Variants in DNAJB1 observed in about 807,000 individuals in gnomAD.
DNAJB1 encodes the protein dnaJ homolog subfamily B member 1.
A neutral mutation model predicts 24.0 loss-of-function variants in DNAJB1; 14 were observed. That is an observed-to-expected ratio of 0.58 (90% CI 0.39 to 0.91). DNAJB1 has a LOEUF of 0.91. DNAJB1 is among the 40% of genes least tolerant of loss of function. DNAJB1 has a pLI of 0.00. For synonymous variants in DNAJB1, 262 were observed against 174.4 expected (o/e 1.50, Z -3.96); for missense variants, 517 against 458.1 (o/e 1.13, Z -1.17).
At chr19:14,545,127 C>G (rs1368369062) in intron 1 of DNAJB1, 4 of 456,618 alleles carry the variant, frequency 8.8e-6, no homozygotes, top group African/African-American at 8.0e-5. Flanking sequence ...AGAGATGATT[C>G]TTCAAGAAAC....
chr19:14,523,705 C>T (rs557471146), intron 2 of DNAJB1, among the ~76,000 whole-genome samples: 1 of 151,576 alleles, frequency 6.6e-6, no homozygotes, highest in South Asian at 2.1e-4. Context: ...GCAACCTCCA[C>T]CTCCCAGGTT....
chr19:14,543,453 T>C (rs1164506879), intron 1 of DNAJB1, among the ~76,000 whole-genome samples: 1 of 70,532 alleles, frequency 1.4e-5, no homozygotes, highest in Non-Finnish European at 2.7e-5. Flanking sequence ...TTTTTTTTTT[T>C]TTTGAGACGG....
rs1178403408 is a variant in DNAJB1 at position 14,544,604 on chromosome 19, C to T, written c.-214+5604G>A. Among the ~76,000 whole-genome samples the T allele has an allele frequency of 9.4e-5, 14 of 149,420 alleles. No homozygotes were observed. The Admixed American group carries it at 9.4e-4, about 10-fold the overall frequency. On this transcript the variant is annotated intron_variant, in intron 1 of 3. Coordinates refer to the DNAJB1 transcript ENST00000676982. ...GTTCTGCTCTTCCATGAACCGGGCT[C>T]ATCTTTTGCTGCTGCGGTGTTTGGC...
intron 1 of DNAJB1, among the ~76,000 whole-genome samples, chr19:14,558,674 C>T (rs2073816374): frequency 6.6e-6 from 1 of 152,216 alleles, no homozygotes. Flanking sequence ...GGTCTCACCC[C>T]TTGCCCGTGG....
upstream of DNAJB1, chr19:14,518,452 C>T: frequency 1.0e-6 from 1 of 977,864 alleles, no homozygotes. Context: ...TTCCAGAGCC[C>T]GCCAGCCCCC....
At chr19:14,529,594 GT>G (rs745798123), upstream of DNAJB1, 1 of 1,578,558 alleles carries the variant, frequency 6.3e-7, no homozygotes, top group Non-Finnish European at 8.7e-7. Flanking sequence ...GCAGAGCCGC[GT>G]TTAGTCTATC....
chr19:14,549,761 G>A (rs902120642), intron 1 of DNAJB1, among the ~76,000 whole-genome samples: 1 of 151,936 alleles, frequency 6.6e-6, no homozygotes, highest in Non-Finnish European at 1.5e-5. Context: ...TGACCAACAT[G>A]GTGAAACCCC....
At chr19:14,538,527 CT>C (rs1476269303) in intron 1 of DNAJB1, among the ~76,000 whole-genome samples, 2 of 98,056 alleles carry the variant, frequency 2.0e-5, no homozygotes, top group Non-Finnish European at 2.0e-5. Flanking sequence ...CCTCAAAACT[CT>C]TTTTTTTCTT....
At position 14,516,861 on chromosome 19, in the gene DNAJB1, C is replaced by A. The variant is rs1197923450; in HGVS notation, c.397G>T (p.Gly133Cys). 1 of 1,614,084 alleles carries A rather than the reference C, an allele frequency of 6.2e-7. No individual in the cohort carries two copies. The highest frequency in any genetic ancestry group is 1.3e-5 in the African/African-American group (1 of 75,006). The stretch of plus-strand genomic sequence containing the variant: ...AAGCCACCCATGCCCATAGGGAAGC[C>A]AGAGAATGGGTCATCAATGTCCATG... Reference protein sequence around the residue: ...EGMDIDDPFSGFPMGMGGFTN... With the variant: ...EGMDIDDPFSCFPMGMGGFTN... Residue 133 changes from glycine to cysteine, a missense_variant, in exon 2 of 3, where the codon GGC becomes TGC. Coordinates refer to ENST00000254322, the MANE Select transcript of DNAJB1 (RefSeq NM_006145.3).
upstream of DNAJB1, among the ~76,000 whole-genome samples, chr19:14,520,633 C>T (rs966056024): frequency 9.9e-5 from 15 of 152,064 alleles, no homozygotes; most frequent in African/African-American, 3.1e-4. Context: ...CCCTAGACAT[C>T]GAGAACCATA....
upstream of DNAJB1, among the ~76,000 whole-genome samples, chr19:14,519,482 T>G (rs1341245526): frequency 6.6e-6 from 1 of 152,168 alleles, no homozygotes; most frequent in Non-Finnish European, 1.5e-5. Context: ...TGTTCTCACC[T>G]CCTAAAGCAA....
chr19:14,560,084 C>T (rs1599489801), exon 1 of DNAJB1, among the ~76,000 whole-genome samples: 2 of 152,184 alleles, frequency 1.3e-5, no homozygotes, highest in Admixed American at 1.3e-4. Flanking sequence ...GGCCTGGGCA[C>T]CACTGCTGCA....
At chr19:14,534,359 T>C (rs1263040306), upstream of DNAJB1, among the ~76,000 whole-genome samples, 2 of 148,794 alleles carry the variant, frequency 1.3e-5, no homozygotes, top group East Asian at 3.9e-4. Context: ...CTCCTGACCT[T>C]ATGATCCGCC....
At chr19:14,525,431 G>A in intron 2 of DNAJB1, among the ~76,000 whole-genome samples, 1 of 151,648 alleles carries the variant, frequency 6.6e-6, no homozygotes, top group East Asian at 1.9e-4. Context: ...TTCAATGGAT[G>A]AATGGATAAA....
chr19:14,518,473 T>G, upstream of DNAJB1: 1 of 689,404 alleles, frequency 1.5e-6, no homozygotes, highest in Non-Finnish European at 2.0e-6. Flanking sequence ...TCCAGAACCT[T>G]CCGCCCCGCC....
upstream of DNAJB1, chr19:14,534,137 T>A (rs2072774505): frequency 6.6e-6 from 1 of 151,910 alleles, no homozygotes; most frequent in African/African-American, 2.4e-5. Context: ...TTTCTTTTTT[T>A]TTTTTTACAC....
At chr19:14,525,449 G>C (rs1289909003) in intron 2 of DNAJB1, among the ~76,000 whole-genome samples, 1 of 151,844 alleles carries the variant, frequency 6.6e-6, no homozygotes, top group Non-Finnish European at 1.5e-5. Context: ...AAACAAATGG[G>C]ATCCATCCAC....
chr19:14,549,360 G>GCC (rs2073414850), intron 1 of DNAJB1, among the ~76,000 whole-genome samples: 2 of 151,894 alleles, frequency 1.3e-5, no homozygotes, highest in Admixed American at 6.6e-5. Flanking sequence ...CTACAGGCAT[G>GCC]CGCCACCATG....
At chr19:14,542,357 T>G (rs943939127) in intron 1 of DNAJB1, among the ~76,000 whole-genome samples, 9 of 122,746 alleles carry the variant, frequency 7.3e-5, no homozygotes, top group South Asian at 3.1e-4. Flanking sequence ...GTTTTTTTTT[T>G]TTTTTTTTTT....
Sources: gnomAD v4.1 joint callset for allele counts (sites outside exome capture counted in the v4.1 genomes callset) on GRCh38, gnomAD v4.1.1 for gene constraint, MANE v1.5 for transcripts, NCBI Gene and HGNC (gene_info 2026-07-23, HGNC 2026-07-21) for gene names.